The following ZNF385D variants were observed in gnomAD, a reference collection of about 807,000 sequenced individuals.
ZNF385D encodes zinc finger protein 385D, also known as zinc finger protein 659.
Under a neutral mutation model 35.8 loss-of-function variants are expected in ZNF385D, and 15 were observed. The observed-to-expected ratio is 0.42, with a 90% CI of 0.28 to 0.64. ZNF385D has a LOEUF of 0.64. Ranked by LOEUF, ZNF385D falls within the 30% of genes least tolerant of loss-of-function variation. The pLI, the probability that ZNF385D is intolerant of heterozygous loss-of-function variation, is 0.23. For synonymous variants in ZNF385D, 212 were observed against 186.8 expected, an observed-to-expected ratio of 1.13 and a Z score of -1.10; for missense variants, 474 against 494.6, an observed-to-expected ratio of 0.96 and a Z score of 0.39.
chr3:21,567,020 A>T (rs1358364918), intron 2 of ZNF385D, among the ~76,000 whole-genome samples: 2 of 152,210 alleles, frequency 1.3e-5, no homozygotes, highest in Non-Finnish European at 2.9e-5. Flanking sequence ...TGTTACATGC[A>T]TCAGCAGCTT....
intron 1 of ZNF385D, among the ~76,000 whole-genome samples, chr3:21,724,497 A>ACCC (rs1367267898): frequency 9.1e-5 from 9 of 98,448 alleles, no homozygotes; most frequent in Middle Eastern, 4.8e-3. Flanking sequence ...AAAAAAAAAA[A>ACCC]AAAAAAAAAA....
At chr3:21,899,160 T>C (rs1296791913) in intron 3 of ZNF385D, among the ~76,000 whole-genome samples, 1 of 151,992 alleles carries the variant, frequency 6.6e-6, no homozygotes, top group Admixed American at 6.6e-5. Context: ...GCATATAGCA[T>C]CTAGATGCCA....
At chr3:21,930,824 C>T (rs1052522068) in intron 3 of ZNF385D, among the ~76,000 whole-genome samples, 5 of 152,018 alleles carry the variant, frequency 3.3e-5, no homozygotes, top group Admixed American at 6.6e-5. Context: ...TAACTAAAAA[C>T]TTATTGAAGA....
chr3:21,448,459 C>A (rs1021103342), intron 4 of ZNF385D, among the ~76,000 whole-genome samples: 3 of 152,048 alleles, frequency 2.0e-5, no homozygotes, highest in Non-Finnish European at 2.9e-5. Flanking sequence ...ACAATGATTT[C>A]TTGATAGAAT....
intron 2 of ZNF385D, among the ~76,000 whole-genome samples, chr3:22,211,902 A>G (rs1304994709): frequency 2.0e-5 from 3 of 152,016 alleles, no homozygotes; most frequent in African/African-American, 7.2e-5. Flanking sequence ...TAATTCAACA[A>G]TATGATTCCT....
At chr3:22,180,914 C>CTTTTGTTCTTTTTTTTT (rs1695209879) in intron 2 of ZNF385D, among the ~76,000 whole-genome samples, 1 of 113,008 alleles carries the variant, frequency 8.8e-6, no homozygotes, top group African/African-American at 4.2e-5. Context: ...TGCTTTTGTT[C>CTTTTGTTCTTTTTTTTT]TTTTTTTTTT....
At chr3:22,251,547 C>A (rs934452009) in intron 2 of ZNF385D, among the ~76,000 whole-genome samples, 4 of 152,108 alleles carry the variant, frequency 2.6e-5, no homozygotes, top group Non-Finnish European at 5.9e-5. Flanking sequence ...AGCTTCAGCA[C>A]TATTGACATT....
chr3:21,630,452 G>A (rs13060015), intron 2 of ZNF385D, among the ~76,000 whole-genome samples: 4 of 151,842 alleles, frequency 2.6e-5, no homozygotes, highest in Non-Finnish European at 4.4e-5. Context: ...TGATCTGCCC[G>A]CTTCAACCTC....
At chr3:21,580,535 G>A (rs1438861102) in intron 2 of ZNF385D, among the ~76,000 whole-genome samples, 1 of 151,958 alleles carries the variant, frequency 6.6e-6, no homozygotes, top group Non-Finnish European at 1.5e-5. Context: ...TACCTAAGCT[G>A]TACATTTTTT....
intron 2 of ZNF385D, among the ~76,000 whole-genome samples, chr3:21,615,737 T>G (rs1348682042): frequency 6.6e-6 from 1 of 151,934 alleles, no homozygotes; most frequent in Non-Finnish European, 1.5e-5. Context: ...AACTATCTTA[T>G]AAGGCCTCCC....
At chr3:21,925,886 A>T (rs1700702662) in intron 3 of ZNF385D, among the ~76,000 whole-genome samples, 1 of 152,214 alleles carries the variant, frequency 6.6e-6, no homozygotes, top group Non-Finnish European at 1.5e-5. Context: ...GGCATTTAGC[A>T]TCATTAGTCA....
intron 3 of ZNF385D, among the ~76,000 whole-genome samples, chr3:21,871,895 G>A (rs1438935935): frequency 1.3e-5 from 2 of 152,072 alleles, no homozygotes; most frequent in East Asian, 1.9e-4. Flanking sequence ...TACTCAGGAG[G>A]CTGAGACAGG....
At chr3:22,300,780 A>G (rs1345884735) in intron 2 of ZNF385D, among the ~76,000 whole-genome samples, 1 of 151,996 alleles carries the variant, frequency 6.6e-6, no homozygotes, top group African/African-American at 2.4e-5. Flanking sequence ...TCAAAAAGAC[A>G]AAAGATAAAA....
At chr3:21,439,059 T>A (rs1418538637) in intron 4 of ZNF385D, among the ~76,000 whole-genome samples, 1 of 152,098 alleles carries the variant, frequency 6.6e-6, no homozygotes, top group African/African-American at 2.4e-5. Flanking sequence ...CATCTGTGAA[T>A]AAACAACAAG....
chr3:21,609,580 C>T (rs1459476834), intron 2 of ZNF385D, among the ~76,000 whole-genome samples: 1 of 152,132 alleles, frequency 6.6e-6, no homozygotes, highest in African/African-American at 2.4e-5. Context: ...AAGAATAGGT[C>T]CACCCTTCCC....
At chr3:21,909,362 G>A (rs763765415) in intron 3 of ZNF385D, among the ~76,000 whole-genome samples, 1 of 151,958 alleles carries the variant, frequency 6.6e-6, no homozygotes, top group African/African-American at 2.4e-5. Context: ...TGAGAATTTG[G>A]CAATGTTTCA....
chr3:21,471,615 A>G (rs182824302), intron 4 of ZNF385D, among the ~76,000 whole-genome samples: 1 of 152,280 alleles, frequency 6.6e-6, no homozygotes, highest in Admixed American at 6.5e-5. Flanking sequence ...TTCCCAGAGG[A>G]TGGAACACAG....
chr3:22,199,425 T>G (rs1215280497), intron 2 of ZNF385D, among the ~76,000 whole-genome samples: 1 of 151,920 alleles, frequency 6.6e-6, no homozygotes, highest in Non-Finnish European at 1.5e-5. Flanking sequence ...AAAAAGGGAG[T>G]GTTTGCCCCT....
chr3:22,234,478 C>T (rs1369238641), intron 2 of ZNF385D, among the ~76,000 whole-genome samples: 3 of 151,960 alleles, frequency 2.0e-5, no homozygotes, highest in East Asian at 1.9e-4. Context: ...CCTATTAATG[C>T]CCTAGATTTT....
Sources: gnomAD v4.1 joint callset for allele counts (sites outside exome capture counted in the v4.1 genomes callset) on GRCh38, gnomAD v4.1.1 for gene constraint, MANE v1.5 for transcripts, NCBI Gene and HGNC (gene_info 2026-07-23, HGNC 2026-07-21) for gene names.